Variants in IGSF1 observed in about 807,000 individuals in gnomAD.
IGSF1 encodes immunoglobulin superfamily member 1.
In IGSF1, 40 loss-of-function variants were observed where a neutral mutation model predicts 95.3. The ratio of observed to expected loss-of-function variants is 0.42; its 90% CI spans 0.33 to 0.55. IGSF1 has a LOEUF of 0.55. IGSF1 is among the 20% of genes least tolerant of loss of function. The probability of loss-of-function intolerance (pLI) is 0.10; values close to 1 mark genes in which losing one functional copy is unlikely to be tolerated. For synonymous variants in IGSF1, 372 were observed against 382.9 expected (o/e 0.97, Z 0.33); for missense variants, 906 against 1,025.4 (o/e 0.88, Z 1.59).
Position 131,275,667 on chromosome X carries a change from C to T in IGSF1, c.2995G>A (p.Gly999Arg), listed in dbSNP as rs2080464606. 8.3e-7 allele frequency: 1 copy of T among 1,210,896 alleles called. No individual in the cohort carries two copies. ...LWCRGPVHGVGYILHKEGEAT... is the reference protein window; with the variant it reads ...LWCRGPVHGVRYILHKEGEAT... ...TCTCCTTCTTTGTGCAGAATGTATC[C>T]TACTCCATGGACCGGCCCTCGGCAC... The change falls in exon 16 of 20, where the codon GGA becomes AGA. Residue 999 changes from glycine (G) to arginine (R), a missense_variant. By Grantham distance (125) the Gly-to-Arg change is moderately radical. Around this residue, in one of 5 missense-constraint regions of IGSF1, gnomAD observed 411 missense variants for 494.9 expected, o/e 0.83. Coordinates refer to ENST00000361420, the MANE Select transcript of IGSF1 (RefSeq NM_001555.5).
Position 131,275,240 on chromosome X carries a change from C to A in IGSF1, c.3231G>T (p.Val1077=). 2 of 1,211,247 alleles carry A rather than the reference C, an allele frequency of 1.7e-6. No homozygotes were observed. The highest frequency in any genetic ancestry group is 2.2e-6 in the Non-Finnish European group (2 of 895,103). ...PSLLAQPGPM[V]APGENMTLQC... is the part of the protein sequence containing the mutation. Reference sequence around the variant, plus strand: ...GAAGAGTCATATTTTCGCCAGGGGCCACCATGGGACCAGGCTGGGCTAATA... The same window carrying A: ...GAAGAGTCATATTTTCGCCAGGGGCAACCATGGGACCAGGCTGGGCTAATA... Residue 1077 remains valine (V), a synonymous_variant, in exon 17 of 20, where the codon GTG becomes GTT. Transcript: ENST00000361420.
chrX:131,286,337 A>T, intron 3 of IGSF1, 100 bp downstream of exon 3: 1 of 731,201 alleles, frequency 1.4e-6, no homozygotes, highest in East Asian at 3.2e-5. Context: ...AGCCCAATCT[A>T]TCTCTGGAAT....
At chrX:131,287,414 C>T (rs1210828182) in intron 1 of IGSF1, among the ~76,000 whole-genome samples, 1 of 110,492 alleles carries the variant, frequency 9.1e-6, no homozygotes, top group East Asian at 2.8e-4. Flanking sequence ...CCTCTTCACC[C>T]TCCCTTACCC....
At chrX:131,280,214 C>T (rs556698804) in intron 9 of IGSF1, among the ~76,000 whole-genome samples, 15 of 110,136 alleles carry the variant, frequency 1.4e-4, no homozygotes, top group African/African-American at 4.6e-4. Context: ...GGTCAGGTTC[C>T]GGAAAGAAGT....
chrX:131,284,928 T>A, intron 5 of IGSF1: 1 of 716,985 alleles, frequency 1.4e-6, no homozygotes, highest in East Asian at 4.2e-5. Flanking sequence ...ACAACAAAGC[T>A]GTGATGAGCT....
chrX:131,276,743 C>T (rs2080479702), intron 14 of IGSF1, among the ~76,000 whole-genome samples, 196 bp downstream of exon 14: 1 of 111,981 alleles, frequency 8.9e-6, no homozygotes, highest in Non-Finnish European at 1.9e-5. Context: ...CTTGCCTCCC[C>T]ACTGCCTTTG....
chrX:131,276,332 A>G (rs1237882909), intron 14 of IGSF1, 84 bp from the exon 15 acceptor site: 1 of 797,008 alleles, frequency 1.3e-6, no homozygotes. Context: ...TGTAAGACAC[A>G]ATATATGTTT....
At chrX:131,275,407 T>C (rs2080461763) in intron 16 of IGSF1, 71 bp downstream of exon 16, 9 of 1,147,840 alleles carry the variant, frequency 7.8e-6, no homozygotes, top group South Asian at 7.8e-5. Flanking sequence ...CTCTGAAAAC[T>C]ATCTCCCATG....
chrX:131,285,568 C>G, intron 4 of IGSF1, 102 bp from the exon 5 acceptor site: 1 of 927,996 alleles, frequency 1.1e-6, no homozygotes, highest in Non-Finnish European at 1.5e-6. Context: ...CCTGTATGAT[C>G]CTTGTTTGCC....
At position 131,282,992 on chromosome X, in the gene IGSF1, T is replaced by C; in HGVS notation, c.940A>G (p.Ile314Val). Residue 314 changes from isoleucine (I) to valine (V), a missense_variant, in exon 6 of 20, where the codon ATC becomes GTC. Ile to Val is a conservative substitution (Grantham distance 29). Around this residue, in one of 5 missense-constraint regions of IGSF1, gnomAD observed 442 missense variants for 448.1 expected, o/e 0.99. Coordinates refer to ENST00000361420, the MANE Select transcript of IGSF1 (RefSeq NM_001555.5). ...ACCCGTCTCTTACCAGTCACCCAGA[T>C]TTTCAGGACATCACTAAGGAGTGAA... ...RGSLLSDVLKIWVTDTFPKTW... is the reference protein window; with the variant it reads ...RGSLLSDVLKVWVTDTFPKTW... The C allele has an allele frequency of 8.3e-7, 1 of 1,203,498 alleles. No individual in the cohort carries two copies.
chrX:131,283,180 G>A lies in IGSF1; in HGVS notation c.752C>T (p.Pro251Leu), dbSNP rs1255713666. 8.3e-7 allele frequency: 1 copy of A among 1,208,069 alleles called. No individual in the cohort carries two copies. Among genetic ancestry groups the A allele is most frequent in the Non-Finnish European group, 1.1e-6 (1 of 891,964 alleles). Residue 251 changes from proline (P) to leucine (L), a missense_variant, in exon 6 of 20, where the codon CCA becomes CTA. Transcript: ENST00000361420. The stretch of plus-strand genomic sequence containing the variant: ...TAGAGCAAAGGTCATTCCATAGATT[G>A]GCCCTTGGCACCTGAGATTCAGGCT... ...GESLNLRCQG[P>L]IYGMTFALMR...
chrX:131,285,134 C>T (rs761059738), intron 5 of IGSF1, 45 bp downstream of exon 5: 1 of 1,143,794 alleles, frequency 8.7e-7, no homozygotes, highest in Non-Finnish European at 1.2e-6. Context: ...GCCATGATAC[C>T]TGGGACAACA....
chrX:131,281,190 G>T (rs1435097637), intron 9 of IGSF1, 28 bp downstream of exon 9: 1 of 1,206,432 alleles, frequency 8.3e-7, no homozygotes, highest in Admixed American at 2.2e-5. Flanking sequence ...TTAGGTTGGG[G>T]AACAGGGGGC....
intron 7 of IGSF1, 65 bp downstream of exon 7, chrX:131,282,379 C>T: frequency 1.0e-6 from 1 of 986,283 alleles, no homozygotes; most frequent in Non-Finnish European, 1.4e-6. Context: ...CTAGCTCCTT[C>T]TTACAACACC....
At chrX:131,284,719 G>GT (rs201348749) in intron 5 of IGSF1, 220,959 of 715,634 alleles carry the variant, frequency 0.31, 23,910 homozygotes, top group Middle Eastern at 0.39. Context: ...TTTGTCATTT[G>GT]TTTTTTTTTG....
At position 131,288,677 on chromosome X, in the gene IGSF1, A is replaced by C. The variant is rs755514045; in HGVS notation, c.-68+537T>G. Among the ~76,000 whole-genome samples, 4 of 110,967 alleles carry C rather than the reference A, an allele frequency of 3.6e-5. No individual in the cohort carries two copies. In the South Asian group the frequency reaches 1.6e-3, roughly 43 times the overall value. On this transcript the variant is annotated intron_variant, in intron 1 of 19. Transcript: ENST00000361420. ...CATTTATATTCAGCCCAGATGATGA[A>C]TCTTATACCGGGGGAACATGAGAAC...
intron 1 of IGSF1, among the ~76,000 whole-genome samples, chrX:131,288,560 A>G (rs1029670649): frequency 8.9e-6 from 1 of 111,818 alleles, no homozygotes; most frequent in African/African-American, 3.3e-5. Flanking sequence ...CCCCTAAACC[A>G]GGATCTTTGC....
At chrX:131,284,422 G>A (rs1258799805) in intron 5 of IGSF1, 1 of 556,550 alleles carries the variant, frequency 1.8e-6, no homozygotes, top group African/African-American at 2.5e-5. Flanking sequence ...GTCAGAAATA[G>A]AACTAGAAAC....
chrX:131,274,555 C>G (rs1216480348), intron 18 of IGSF1, 44 bp downstream of exon 18: 1 of 1,161,152 alleles, frequency 8.6e-7, no homozygotes, highest in Non-Finnish European at 1.2e-6. Flanking sequence ...TCCCTGGGAT[C>G]CCAGGTGTGT....
Sources: gnomAD v4.1 joint callset for allele counts (sites outside exome capture counted in the v4.1 genomes callset) on GRCh38, gnomAD v4.1.1 for gene constraint, gnomAD v4.1.1 regional missense constraint, MANE v1.5 for transcripts, NCBI Gene and HGNC (gene_info 2026-07-23, HGNC 2026-07-21) for gene names.